ZNF540: variants seen among roughly 807,000 people sequenced by gnomAD.
The protein encoded by ZNF540 is CTD-3064H18.6.
In ZNF540, 3 loss-of-function variants were observed where a neutral mutation model predicts 11.8. The ratio of observed to expected loss-of-function variants is 0.25; its 90% CI spans 0.12 to 0.65. The LOEUF is 0.65. Ranked by LOEUF, ZNF540 falls within the 30% of genes least tolerant of loss-of-function variation. The probability of loss-of-function intolerance (pLI) is 0.83; values close to 1 mark genes in which losing one functional copy is unlikely to be tolerated. For missense variants in ZNF540, 709 were observed against 793.1 expected, an observed-to-expected ratio of 0.89 and a Z score of 1.27; for synonymous variants, 247 against 259.0, an observed-to-expected ratio of 0.95 and a Z score of 0.45.
intron 4 of ZNF540, among the ~76,000 whole-genome samples, chr19:37,601,745 T>C (rs1199271326): frequency 6.6e-6 from 1 of 152,216 alleles, no homozygotes; most frequent in Non-Finnish European, 1.5e-5. Flanking sequence ...GCTTAGGCCA[T>C]GTGAATATCT....
At chr19:37,587,510 G>A (rs2043716728) in intron 1 of ZNF540, among the ~76,000 whole-genome samples, 1 of 151,958 alleles carries the variant, frequency 6.6e-6, no homozygotes, top group Non-Finnish European at 1.5e-5. Context: ...CGCACAGCAC[G>A]CCCCCTCTTG....
intron 4 of ZNF540, among the ~76,000 whole-genome samples, chr19:37,609,470 G>A (rs1254491963): frequency 1.3e-5 from 2 of 152,104 alleles, no homozygotes; most frequent in Non-Finnish European, 2.9e-5. Flanking sequence ...ACTTGAACCT[G>A]GGAGGCAGCG....
At chr19:37,564,763 C>T (rs902205245) in intron 1 of ZNF540, 4 of 1,613,750 alleles carry the variant, frequency 2.5e-6, no homozygotes, top group Non-Finnish European at 2.5e-6. Flanking sequence ...CATAGGGTTT[C>T]TCTCCAGTAT....
intron 1 of ZNF540, chr19:37,586,535 C>T (rs2043679665): frequency 3.1e-6 from 3 of 969,430 alleles, no homozygotes; most frequent in African/African-American, 1.6e-5. Flanking sequence ...TACTATTACT[C>T]GCTAGAATGG....
intron 4 of ZNF540, among the ~76,000 whole-genome samples, chr19:37,608,028 T>G (rs1304781917): frequency 6.6e-6 from 1 of 152,234 alleles, no homozygotes; most frequent in African/African-American, 2.4e-5. Context: ...GGTATCTCGT[T>G]GTTTTTAATT....
In ZNF540 at chr19:37,612,607, G is replaced by T; in HGVS notation, c.1327G>T (p.Glu443Ter). The T allele has an allele frequency of 6.2e-7, 1 of 1,614,056 alleles. No individual in the cohort carries two copies. Among genetic ancestry groups the T allele is most frequent in the Non-Finnish European group, 8.5e-7 (1 of 1,179,998 alleles). Reference protein sequence around the residue: ...HTGEKPYECKECGKAFMLRSV... With the variant: ...HTGEKPYECK ...TGGAGAGAAACCATATGAATGTAAG[G>T]AATGCGGGAAAGCCTTTATGCTTCG... Residue 443 changes from glutamate to a stop codon, truncating the protein, a stop_gained, in exon 5 of 5, where the codon GAA becomes TAA. Coordinates refer to ENST00000316433, the MANE Select transcript of ZNF540 (RefSeq NM_001172225.3). LOFTEE classifies it low-confidence loss of function (END_TRUNC).
chr19:37,571,331 A>C (rs1489610901), intron 1 of ZNF540, among the ~76,000 whole-genome samples: 2 of 152,100 alleles, frequency 1.3e-5, no homozygotes, highest in African/African-American at 4.8e-5. Context: ...TCCCAGCTCT[A>C]CTAAAAATAC....
intron 1 of ZNF540, among the ~76,000 whole-genome samples, chr19:37,582,016 T>C (rs1231215346): frequency 1.3e-5 from 2 of 152,176 alleles, no homozygotes; most frequent in Non-Finnish European, 2.9e-5. Flanking sequence ...TAATACTGCA[T>C]ATATAAACTC....
chr19:37,609,222 AGAGAT>A (rs1268499782), intron 4 of ZNF540, among the ~76,000 whole-genome samples: 1 of 152,214 alleles, frequency 6.6e-6, no homozygotes, highest in East Asian at 1.9e-4. Context: ...AGAGAACAGA[AGAGAT>A]ATCATCTGAG....
At position 37,599,759 on chromosome 19, in the gene ZNF540, T is replaced by TCA; in HGVS notation, c.136+9_136+10dup. On this transcript the variant is annotated splice_region_variant and intron_variant, in intron 3 of 4. Coordinates refer to ENST00000316433, the MANE Select transcript of ZNF540 (RefSeq NM_001172225.3). ...AATAACTTGGTCTCACTGGGTAAGGTCACCTATGTCAAATAATGTAGACTC... is the reference window on the plus strand; with the variant it reads ...AATAACTTGGTCTCACTGGGTAAGGTCACACCTATGTCAAATAATGTAGACTC... The TCA allele has an allele frequency of 6.3e-7, 1 of 1,588,032 alleles. No individual in the cohort carries two copies. Among genetic ancestry groups the TCA allele is most frequent in the South Asian group, 1.1e-5 (1 of 87,246 alleles).
intron 1 of ZNF540, among the ~76,000 whole-genome samples, chr19:37,577,946 T>G (rs975577298): frequency 6.6e-6 from 1 of 151,930 alleles, no homozygotes; most frequent in Non-Finnish European, 1.5e-5. Flanking sequence ...GAGCAGGAGG[T>G]GAGCAGTGGG....
intron 1 of ZNF540, among the ~76,000 whole-genome samples, chr19:37,579,718 A>T (rs953449688): frequency 2.0e-5 from 3 of 152,226 alleles, no homozygotes; most frequent in Admixed American, 2.0e-4. Flanking sequence ...GCCACCAGCC[A>T]TATCTAATAC....
intron 4 of ZNF540, among the ~76,000 whole-genome samples, chr19:37,606,542 C>T (rs2044086823): frequency 6.6e-6 from 1 of 152,178 alleles, no homozygotes; most frequent in Non-Finnish European, 1.5e-5. Context: ...TTCCCAATAA[C>T]AATGCATGAG....
upstream of ZNF540, among the ~76,000 whole-genome samples, chr19:37,590,955 C>T (rs912509425): frequency 6.6e-5 from 10 of 152,094 alleles, no homozygotes; most frequent in South Asian, 8.3e-4. Flanking sequence ...GAATAAAGAA[C>T]GTAAATTATA....
At chr19:37,610,751 G>T (rs1732104921) in intron 4 of ZNF540, among the ~76,000 whole-genome samples, 1 of 152,112 alleles carries the variant, frequency 6.6e-6, no homozygotes, top group African/African-American at 2.4e-5. Flanking sequence ...ATATTATATG[G>T]TAACATGTTT....
intron 4 of ZNF540, 78 bp from the exon 5 acceptor site, chr19:37,611,435 C>T (rs2044127534): frequency 3.3e-6 from 4 of 1,195,630 alleles, no homozygotes; most frequent in South Asian, 1.6e-5. Context: ...CACTTTGTTT[C>T]CTATTTTGAA....
intron 1 of ZNF540, among the ~76,000 whole-genome samples, chr19:37,571,951 T>G (rs2043069791): frequency 6.6e-6 from 1 of 152,248 alleles, no homozygotes; most frequent in Non-Finnish European, 1.5e-5. Context: ...AATGGAGAAT[T>G]ATTTTAAATT....
At chr19:37,608,360 G>T (rs921054559) in intron 4 of ZNF540, among the ~76,000 whole-genome samples, 4 of 152,058 alleles carry the variant, frequency 2.6e-5, no homozygotes, top group Non-Finnish European at 5.9e-5. Context: ...CAGTGTTTTT[G>T]ATCTTTAGCA....
chr19:37,572,065 C>T (rs1034514471), intron 1 of ZNF540, among the ~76,000 whole-genome samples: 4 of 152,104 alleles, frequency 2.6e-5, no homozygotes, highest in Non-Finnish European at 5.9e-5. Context: ...GAGAAAAATT[C>T]ACATATCACA....
Sources: allele counts gnomAD v4.1 joint callset (sites outside exome capture counted in the v4.1 genomes callset), GRCh38; gene constraint gnomAD v4.1.1; transcripts MANE v1.5; gene names NCBI Gene and HGNC (gene_info 2026-07-23, HGNC 2026-07-21).